The following GALNTL6 variants were observed in gnomAD, a reference collection of about 807,000 sequenced individuals.
GALNTL6 encodes polypeptide N-acetylgalactosaminyltransferase-like 6.
In GALNTL6, 46 loss-of-function variants were observed where a neutral mutation model predicts 73.7. The ratio of observed to expected loss-of-function variants is 0.62; its 90% confidence interval spans 0.49 to 0.80. The LOEUF (loss-of-function observed/expected upper bound fraction) is 0.80, where lower values mean the gene tolerates loss of function less well. Among genes scored for constraint, GALNTL6 ranks in the 30% least tolerant of loss-of-function variants. The pLI is 0.00. For synonymous variants in GALNTL6, 259 were observed against 263.7 expected, an observed-to-expected ratio of 0.98 and a Z score of 0.17; for missense variants, 604 against 755.0, an observed-to-expected ratio of 0.80 and a Z score of 2.34.
chr4:172,296,825 G>A (rs960812148), intron 3 of GALNTL6, among the ~76,000 whole-genome samples: 22 of 152,282 alleles, frequency 1.4e-4, no homozygotes, highest in Admixed American at 1.2e-3. Flanking sequence ...ATAAACAAAC[G>A]AGTGCATGTG....
intron 3 of GALNTL6, among the ~76,000 whole-genome samples, chr4:172,236,797 T>C (rs1056107076): frequency 1.3e-5 from 2 of 152,080 alleles, no homozygotes; most frequent in African/African-American, 4.8e-5. Context: ...GGGTTTGGTG[T>C]ACATGTTGTT....
At chr4:172,712,138 C>T (rs536150928) in intron 5 of GALNTL6, among the ~76,000 whole-genome samples, 7 of 152,108 alleles carry the variant, frequency 4.6e-5, no homozygotes, top group South Asian at 4.2e-4. Context: ...GTAAATGGAA[C>T]GCCATAAAGA....
Position 172,813,709 on chromosome 4 carries a change from C to T in GALNTL6, c.909C>T (p.Pro303=), listed in dbSNP as rs772090913. The change falls in exon 7 of 13, where the codon CCC becomes CCT. Residue 303 remains proline (P), a synonymous_variant. Transcript: ENST00000506823. Reference sequence around the variant, plus strand: ...CTCCAGAGCTCCAGAGGGCAGATCCCAGCGACCCTTTTGAGTGAGTAGCAG... The same window carrying T: ...CTCCAGAGCTCCAGAGGGCAGATCCTAGCGACCCTTTTGAGTGAGTAGCAG... ...PIPPELQRAD[P]SDPFESPVMA... is the part of the protein sequence containing the mutation. The T allele has an allele frequency of 6.9e-6, 11 of 1,596,540 alleles. No homozygotes were observed. In the South Asian group the frequency reaches 1.1e-4, roughly 16 times the overall value.
chr4:172,039,125 T>C (rs1259027664), intron 2 of GALNTL6, among the ~76,000 whole-genome samples: 1 of 152,180 alleles, frequency 6.6e-6, no homozygotes, highest in African/African-American at 2.4e-5. Flanking sequence ...TCAACTAATT[T>C]TGCATAATAT....
At chr4:172,319,149 T>A (rs1740672442) in intron 4 of GALNTL6, among the ~76,000 whole-genome samples, 1 of 152,162 alleles carries the variant, frequency 6.6e-6, no homozygotes, top group Admixed American at 6.5e-5. Flanking sequence ...TGTAAGAAAA[T>A]TCTGCCATTT....
At chr4:172,972,150 G>A (rs1398955032) in intron 10 of GALNTL6, among the ~76,000 whole-genome samples, 1 of 151,998 alleles carries the variant, frequency 6.6e-6, no homozygotes, top group African/African-American at 2.4e-5. Flanking sequence ...CTTACATAAG[G>A]CAGAAACTGC....
At chr4:172,362,917 T>A (rs1742420859) in intron 5 of GALNTL6, among the ~76,000 whole-genome samples, 1 of 152,214 alleles carries the variant, frequency 6.6e-6, no homozygotes, top group African/African-American at 2.4e-5. Flanking sequence ...CAACTGAGGC[T>A]TTAATTCACT....
chr4:172,982,427 G>A (rs1272912627), intron 10 of GALNTL6, among the ~76,000 whole-genome samples: 1 of 152,214 alleles, frequency 6.6e-6, no homozygotes, highest in Non-Finnish European at 1.5e-5. Context: ...ATTTGTGTGA[G>A]TCAGCTTCAC....
intron 5 of GALNTL6, among the ~76,000 whole-genome samples, chr4:172,756,370 G>A (rs534009748): frequency 1.3e-5 from 2 of 152,324 alleles, no homozygotes; most frequent in South Asian, 2.1e-4. Flanking sequence ...GGGGCTGGGC[G>A]CTGTGGCTCA....
intron 2 of GALNTL6, among the ~76,000 whole-genome samples, chr4:171,958,115 C>T (rs1257834661): frequency 6.6e-6 from 1 of 152,152 alleles, no homozygotes; most frequent in Non-Finnish European, 1.5e-5. Flanking sequence ...AGTTTGAAAC[C>T]TCTCACTGCT....
rs59501696 is a variant in GALNTL6, at chr4:172,532,959, G to C, written c.553+184270G>C. Among the ~76,000 whole-genome samples the C allele has an allele frequency of 1.8e-3, 268 of 151,280 alleles. 1 individual carries two copies. Among genetic ancestry groups the C allele is most frequent in the African/African-American group, 5.7e-3 (235 of 41,352 alleles). On this transcript the variant is annotated intron_variant, in intron 5 of 12. Transcript: ENST00000506823. ...AACAGTCTTGAAAGCAAGAGTGAAT[G>C]AAAAAGCTGAAATGAATTGAATATC...
At chr4:171,897,592 G>A (rs1736958839) in intron 2 of GALNTL6, among the ~76,000 whole-genome samples, 1 of 152,086 alleles carries the variant, frequency 6.6e-6, no homozygotes, top group Admixed American at 6.5e-5. Context: ...GGAGGCCGAG[G>A]CATGTGGATC....
chr4:172,322,790 A>G (rs1192095807), intron 4 of GALNTL6, among the ~76,000 whole-genome samples: 2 of 152,266 alleles, frequency 1.3e-5, no homozygotes, highest in East Asian at 3.9e-4. Context: ...AGAGATTATA[A>G]TTCTACATGA....
At chr4:172,088,629 C>T (rs190204155) in intron 2 of GALNTL6, among the ~76,000 whole-genome samples, 8 of 152,252 alleles carry the variant, frequency 5.3e-5, no homozygotes, top group African/African-American at 1.7e-4. Flanking sequence ...AAAGTCTGGG[C>T]TCTAGGTGTA....
intron 5 of GALNTL6, among the ~76,000 whole-genome samples, chr4:172,391,261 G>A (rs1743655943): frequency 6.6e-6 from 1 of 152,188 alleles, no homozygotes; most frequent in African/African-American, 2.4e-5. Context: ...TTTGTGAGGA[G>A]AGGAACGCTG....
intron 2 of GALNTL6, among the ~76,000 whole-genome samples, chr4:171,967,144 G>T (rs1227745404): frequency 6.6e-6 from 1 of 152,072 alleles, no homozygotes; most frequent in African/African-American, 2.4e-5. Context: ...TTAAACACTG[G>T]AAAGTTTTAC....
chr4:171,836,354 A>C (rs905893143), intron 2 of GALNTL6, among the ~76,000 whole-genome samples: 1 of 152,204 alleles, frequency 6.6e-6, no homozygotes, highest in East Asian at 1.9e-4. Flanking sequence ...TGGGGGCAAC[A>C]ATGACCGTTA....
At chr4:172,866,264 G>T (rs1744657374) in intron 7 of GALNTL6, among the ~76,000 whole-genome samples, 1 of 152,184 alleles carries the variant, frequency 6.6e-6, no homozygotes, top group Non-Finnish European at 1.5e-5. Flanking sequence ...TTGATTCTGG[G>T]ATGGTGTGTG....
intron 5 of GALNTL6, among the ~76,000 whole-genome samples, chr4:172,701,897 G>A (rs879670839): frequency 2.0e-5 from 3 of 151,766 alleles, no homozygotes; most frequent in Admixed American, 1.3e-4. Flanking sequence ...AGTGTTTTAA[G>A]AATTAACCGT....
Sources: gnomAD v4.1 joint callset for allele counts (sites outside exome capture counted in the v4.1 genomes callset) on GRCh38, gnomAD v4.1.1 for gene constraint, MANE v1.5 for transcripts, NCBI Gene and HGNC (gene_info 2026-07-23, HGNC 2026-07-21) for gene names.